Variants in MYO3A observed in about 807,000 individuals in gnomAD.
MYO3A encodes the protein myosin-IIIa.
MYO3A carries 180 observed loss-of-function variants against 192.7 expected under a neutral mutation model. The observed-to-expected ratio is 0.93, with a 90% CI of 0.83 to 1.06. MYO3A has a LOEUF of 1.06. MYO3A is among the 50% of genes least tolerant of loss of function. The pLI, the probability that MYO3A is intolerant of heterozygous loss-of-function variation, is 0.00. For missense variants in MYO3A, 1,896 were observed against 1,905.0 expected, an observed-to-expected ratio of 1.00 and a Z score of 0.09; for synonymous variants, 628 against 645.3, an observed-to-expected ratio of 0.97 and a Z score of 0.41.
chr10:26,157,588 T>C, intron 26 of MYO3A, 73 bp downstream of exon 26: 1 of 1,512,944 alleles, frequency 6.6e-7, no homozygotes, highest in Non-Finnish European at 9.1e-7. Context: ...ATAAGAAACA[T>C]AATATGAAAA....
intron 6 of MYO3A, among the ~76,000 whole-genome samples, chr10:26,005,413 C>A (rs1444405117): frequency 5.9e-5 from 9 of 152,074 alleles, no homozygotes; most frequent in African/African-American, 2.2e-4. Context: ...CCACATAATC[C>A]CGGATTAGAT....
chr10:25,956,376 G>A (rs1837537434), intron 4 of MYO3A, among the ~76,000 whole-genome samples: 1 of 151,024 alleles, frequency 6.6e-6, no homozygotes, highest in African/African-American at 2.4e-5. Flanking sequence ...TGTTGCCCAG[G>A]CTGGAGTGCA....
At chr10:25,940,530 A>G (rs993390603) in intron 2 of MYO3A, among the ~76,000 whole-genome samples, 1 of 152,108 alleles carries the variant, frequency 6.6e-6, no homozygotes, top group East Asian at 1.9e-4. Flanking sequence ...ATTATATAAC[A>G]TACAGTTTCT....
intron 6 of MYO3A, among the ~76,000 whole-genome samples, chr10:26,002,719 A>ATCGGAATGAGTCAGGGTGGAGC (rs1554800228): frequency 6.6e-6 from 1 of 152,102 alleles, no homozygotes; most frequent in Non-Finnish European, 1.5e-5. Flanking sequence ...GGTAATTGAA[A>ATCGGAATGAGTCAGGGTGGAGC]AAGGTTGCTT....
In MYO3A at chr10:25,992,171, G is replaced by C. The variant is rs575496594; in HGVS notation, c.304-4319G>C. Among the ~76,000 whole-genome samples, 6 of 152,258 alleles carry C rather than the reference G, an allele frequency of 3.9e-5. No homozygotes were observed. The South Asian group carries it at 1.0e-3, about 26-fold the overall frequency. On this transcript the variant is annotated intron_variant, in intron 4 of 34. Transcript: ENST00000642920. ...GCATGGAATGGTCTTCCATTTGTTT[G>C]CGTCCTCTTTTGTTTCACTGAGCAG...
intron 6 of MYO3A, among the ~76,000 whole-genome samples, chr10:26,009,191 C>CA (rs1347837927): frequency 6.7e-6 from 1 of 149,648 alleles, no homozygotes; most frequent in Non-Finnish European, 1.5e-5. Context: ...AACACATGGA[C>CA]ACAGGAAGGG....
rs886046926 is a variant in MYO3A at position 26,193,255 on chromosome 10, C to T, written c.4489C>T (p.Arg1497Trp). 9.3e-6 allele frequency: 15 copies of T among 1,613,974 alleles called. No individual in the cohort carries two copies. Among genetic ancestry groups the T allele is most frequent in the Middle Eastern group, 1.6e-4 (1 of 6,062 alleles). ...PKILRPPRRP[R>W]KPKTLNNPED... ...AATATTGAGACCCCCAAGACGACCC[C>T]GGAAACCCAAAACATTAAATAACCC... Residue 1497 changes from arginine to tryptophan, a missense_variant, in exon 32 of 35, where the codon CGG (arginine) becomes TGG (tryptophan). Arg to Trp is a moderately radical substitution (Grantham distance 101, BLOSUM62 -3). Transcript: ENST00000642920.
intron 33 of MYO3A, among the ~76,000 whole-genome samples, chr10:26,201,709 A>G (rs1589122137): frequency 6.6e-6 from 1 of 151,100 alleles, no homozygotes; most frequent in Non-Finnish European, 1.5e-5. Context: ...AAAAAAAATC[A>G]CCTATTTTAT....
At chr10:26,049,864 T>C (rs11819096) in intron 10 of MYO3A, among the ~76,000 whole-genome samples, 24,606 of 151,458 alleles carry the variant, frequency 0.16, 2,284 homozygotes, top group Non-Finnish European at 0.21. Flanking sequence ...TTAGTAGAAA[T>C]GGGGTTTCAC....
intron 4 of MYO3A, among the ~76,000 whole-genome samples, chr10:25,988,765 A>G (rs1839816256): frequency 1.3e-5 from 2 of 152,188 alleles, no homozygotes; most frequent in South Asian, 2.1e-4. Context: ...TAAAAAACCC[A>G]TTAAAACAGC....
At position 26,024,027 on chromosome 10, in the gene MYO3A, C is replaced by T. The variant is rs758843171; in HGVS notation, c.737C>T (p.Pro246Leu). Residue 246 changes from proline to leucine, a missense_variant, in exon 9 of 35, where the codon CCA becomes CTA. Pro to Leu is a moderately conservative substitution (Grantham distance 98). Coordinates refer to ENST00000642920, the MANE Select transcript of MYO3A (RefSeq NM_017433.5). Reference sequence around the variant, plus strand: ...ATTGATTCTTATTTTTCTAGGAATCCACCCCCAAAACTAAGGCAGCCTGAG... The same window carrying T: ...ATTGATTCTTATTTTTCTAGGAATCTACCCCCAAAACTAAGGCAGCCTGAG... ...MRALFKIPRN[P>L]PPKLRQPELW... The T allele has an allele frequency of 1.3e-5, 21 of 1,612,432 alleles. No homozygotes were observed. The highest frequency in any genetic ancestry group is 1.6e-5 in the Non-Finnish European group (19 of 1,178,784).
At chr10:26,124,017 C>G (rs1367730102) in intron 18 of MYO3A, among the ~76,000 whole-genome samples, 1 of 149,810 alleles carries the variant, frequency 6.7e-6, no homozygotes, top group East Asian at 2.2e-4. Flanking sequence ...AACACTATCT[C>G]TACCAAATAA....
At chr10:26,148,201 C>T (rs1196921606) in intron 23 of MYO3A, among the ~76,000 whole-genome samples, 1 of 152,170 alleles carries the variant, frequency 6.6e-6, no homozygotes, top group Non-Finnish European at 1.5e-5. Flanking sequence ...TGATGTTTCT[C>T]ATGACCCTTT....
chr10:25,998,210 C>T (rs1232965235), intron 6 of MYO3A, among the ~76,000 whole-genome samples: 1 of 152,182 alleles, frequency 6.6e-6, no homozygotes, highest in Non-Finnish European at 1.5e-5. Context: ...TATAGAAGTC[C>T]ACTGAGTGTT....
At chr10:26,029,641 CTT>C (rs1380859981) in intron 10 of MYO3A, among the ~76,000 whole-genome samples, 1 of 152,034 alleles carries the variant, frequency 6.6e-6, no homozygotes, top group Non-Finnish European at 1.5e-5. Flanking sequence ...GTTAATCACT[CTT>C]TTCATATCTG....
chr10:26,120,548 C>CCACA lies in MYO3A; in HGVS notation c.1777-128_1777-127insCACA, dbSNP rs1564568733. 40 of 1,216,294 alleles carry CCACA rather than the reference C, an allele frequency of 3.3e-5. No homozygotes were observed. The Admixed American group carries it at 6.6e-4, about 20-fold the overall frequency. The allele number at this position is 1,216,294 out of a possible 1,614,324, so 75.3% of individuals were successfully genotyped here. A position where few individuals can be genotyped will look rare whatever the true frequency, so the allele number is the denominator to read the frequency against. On this transcript the variant is annotated intron_variant, in intron 17 of 34. Transcript: ENST00000642920. ...TGAGCCTACTTGGATCTCAGTGTGG[C>CCACA]GTCATCATAGTCTGTGGATAGATAT...
chr10:25,964,029 A>T (rs1268085700), intron 4 of MYO3A, among the ~76,000 whole-genome samples: 1 of 152,202 alleles, frequency 6.6e-6, no homozygotes, highest in Non-Finnish European at 1.5e-5. Context: ...TATTGTACAC[A>T]TTAAAATATT....
chr10:26,060,338 G>A (rs12778820), intron 10 of MYO3A, among the ~76,000 whole-genome samples: 71,097 of 150,410 alleles, frequency 0.47, 17,698 homozygotes, highest in Middle Eastern at 0.59. Flanking sequence ...CATGGTGGCG[G>A]GTGCCTGTAA....
At chr10:25,983,422 A>G (rs1178171177) in intron 4 of MYO3A, among the ~76,000 whole-genome samples, 1 of 151,430 alleles carries the variant, frequency 6.6e-6, no homozygotes, top group Non-Finnish European at 1.5e-5. Context: ...CGCCCAGCTA[A>G]TTTTTTTTGT....
Sources: allele counts gnomAD v4.1 joint callset (sites outside exome capture counted in the v4.1 genomes callset), GRCh38; gene constraint gnomAD v4.1.1; transcripts MANE v1.5; gene names NCBI Gene and HGNC (gene_info 2026-07-23, HGNC 2026-07-21).